Variants in GOLPH3 observed in about 807,000 individuals in gnomAD.
GOLPH3 encodes the protein golgi phosphoprotein 3, also known as coat protein GPP34.
Under a neutral mutation model 28.5 loss-of-function variants are expected in GOLPH3, and 14 were observed. That is an observed-to-expected ratio of 0.49 (90% CI 0.32 to 0.77). The LOEUF (loss-of-function observed/expected upper bound fraction) is 0.77, where lower values mean the gene tolerates loss of function less well. GOLPH3 is among the 30% of genes least tolerant of loss of function. GOLPH3 has a pLI of 0.03. For missense variants in GOLPH3, 350 were observed against 393.7 expected, an observed-to-expected ratio of 0.89 and a Z score of 0.94; for synonymous variants, 158 against 159.2, an observed-to-expected ratio of 0.99 and a Z score of 0.06.
intron 1 of GOLPH3, among the ~76,000 whole-genome samples, chr5:32,168,245 A>G (rs878934467): frequency 6.6e-6 from 1 of 152,222 alleles, no homozygotes; most frequent in Admixed American, 6.5e-5. Context: ...GGACATCACC[A>G]CACGTATAGA....
intron 1 of GOLPH3, among the ~76,000 whole-genome samples, chr5:32,154,280 T>C (rs1395711853): frequency 1.3e-5 from 2 of 152,220 alleles, no homozygotes; most frequent in African/African-American, 4.8e-5. Context: ...TTTAAGTGCA[T>C]AAAATGCACA....
intron 1 of GOLPH3, among the ~76,000 whole-genome samples, chr5:32,148,701 G>A (rs1231208110): frequency 6.6e-6 from 1 of 151,840 alleles, no homozygotes; most frequent in Admixed American, 6.6e-5. Context: ...GGAGGCTGAG[G>A]CAGGAGAATA....
At chr5:32,127,894 G>A (rs1745716922) in intron 3 of GOLPH3, among the ~76,000 whole-genome samples, 1 of 152,108 alleles carries the variant, frequency 6.6e-6, no homozygotes, top group South Asian at 2.1e-4. Context: ...TGCAGCCTAT[G>A]TGAGCCTGAC....
chr5:32,124,856 A>C lies in GOLPH3; in HGVS notation c.*1356T>G, dbSNP rs994537759. The stretch of plus-strand genomic sequence containing the variant: ...AATGAATGTTAACAACAACAAAAAA[A>C]ATCTCTAAACACCTGAAAGCCCCAC... On this transcript the variant is annotated 3_prime_UTR_variant, in exon 4 of 4. Transcript: ENST00000265070. The C allele has an allele frequency of 6.6e-6, 1 of 152,658 alleles. No individual in the cohort carries two copies. The highest frequency in any genetic ancestry group is 2.4e-5 in the African/African-American group (1 of 41,462). The allele number at this position is 152,658 out of a possible 1,614,324, so 9.5% of individuals were successfully genotyped here.
At chr5:32,173,275 C>T (rs1357138962) in intron 1 of GOLPH3, among the ~76,000 whole-genome samples, 1 of 152,024 alleles carries the variant, frequency 6.6e-6, no homozygotes, top group Non-Finnish European at 1.5e-5. Flanking sequence ...AGTAAAAGAG[C>T]TTTTCCCTCT....
intron 1 of GOLPH3, 79 bp from the exon 2 acceptor site, chr5:32,143,959 G>A (rs1030328717): frequency 2.9e-5 from 28 of 957,942 alleles, no homozygotes; most frequent in Non-Finnish European, 4.0e-5. Context: ...AATATTATCA[G>A]CCAAAGTCAT....
chr5:32,170,690 T>C lies in GOLPH3; in HGVS notation c.225+3120A>G, dbSNP rs150646503. 3.1e-4 allele frequency among the ~76,000 whole-genome samples: 47 copies of C among 152,150 alleles called. No individual in the cohort carries two copies. In the East Asian group the frequency reaches 7.9e-3, roughly 26 times the overall value. On this transcript the variant is annotated intron_variant, in intron 1 of 3. Coordinates refer to ENST00000265070, the MANE Select transcript of GOLPH3 (RefSeq NM_022130.4). ...AGTTGGCTTGATGGCATGCACCTTGTATTCCCAGCTACTCAGGGCGGATCA... is the reference window on the plus strand; with the variant it reads ...AGTTGGCTTGATGGCATGCACCTTGCATTCCCAGCTACTCAGGGCGGATCA...
chr5:32,127,515 C>T (rs1215546700), intron 3 of GOLPH3, among the ~76,000 whole-genome samples: 1 of 152,168 alleles, frequency 6.6e-6, no homozygotes, highest in East Asian at 1.9e-4. Context: ...TTACAGGAGC[C>T]ATTACCCACA....
chr5:32,144,287 A>G (rs1746144201), intron 1 of GOLPH3, among the ~76,000 whole-genome samples: 1 of 152,246 alleles, frequency 6.6e-6, no homozygotes, highest in Non-Finnish European at 1.5e-5. Context: ...TTCACAGAGA[A>G]TTAGAATACC....
intron 1 of GOLPH3, among the ~76,000 whole-genome samples, chr5:32,162,353 G>A (rs1249088247): frequency 6.7e-6 from 1 of 149,524 alleles, no homozygotes; most frequent in Non-Finnish European, 1.5e-5. Context: ...TTAGCCAGGC[G>A]TGGTGGCAGG....
At chr5:32,141,773 CG>C (rs1746067034) in intron 2 of GOLPH3, among the ~76,000 whole-genome samples, 1 of 152,124 alleles carries the variant, frequency 6.6e-6, no homozygotes, top group Non-Finnish European at 1.5e-5. Context: ...GACTGGTTTT[CG>C]TATTTTTTTG....
intron 1 of GOLPH3, among the ~76,000 whole-genome samples, chr5:32,161,722 G>A (rs1457046542): frequency 1.3e-5 from 2 of 151,324 alleles, no homozygotes; most frequent in Non-Finnish European, 2.9e-5. Flanking sequence ...AAGACTCTGG[G>A]CTTGACCTAA....
At chr5:32,142,676 G>A in intron 2 of GOLPH3, among the ~76,000 whole-genome samples, 1 of 147,414 alleles carries the variant, frequency 6.8e-6, no homozygotes, top group Admixed American at 6.6e-5. Context: ...AGCCCGGCCA[G>A]CCGCCCCGTC....
At chr5:32,131,742 T>A (rs1451175004) in intron 3 of GOLPH3, among the ~76,000 whole-genome samples, 2 of 152,250 alleles carry the variant, frequency 1.3e-5, no homozygotes, top group Non-Finnish European at 2.9e-5. Context: ...AGATTATTCA[T>A]GTCCACTGCC....
rs148262524 is a variant in GOLPH3 at position 32,135,651 on chromosome 5, A to C, written c.393T>G (p.Val131=). 5.0e-6 allele frequency: 8 copies of C among 1,613,772 alleles called. No individual in the cohort carries two copies. The African/African-American group carries it at 1.1e-4, about 22-fold the overall frequency. ...CATGCTTCAGAGCTTCATCAAGAAG[A>C]ACATCCCCTGTTGGAGCATCTGACT... ...ICKSDAPTGD[V]LLDEALKHVK... Residue 131 remains valine (V), a synonymous_variant, in exon 3 of 4, where the codon GTT becomes GTG. Transcript: ENST00000265070.
At chr5:32,151,437 G>A (rs922054568) in intron 1 of GOLPH3, among the ~76,000 whole-genome samples, 2 of 152,104 alleles carry the variant, frequency 1.3e-5, no homozygotes, top group African/African-American at 4.8e-5. Context: ...TTGAGCCTGG[G>A]AGGTTGAGGC....
chr5:32,158,029 C>T lies in GOLPH3; in HGVS notation c.226-14149G>A, dbSNP rs1216822749. On this transcript the variant is annotated intron_variant, in intron 1 of 3. Transcript: ENST00000265070. ...AATAAATAAATAAATAAAATACACA[C>T]ACACACACACACACACACACACACA... 3.5e-4 allele frequency among the ~76,000 whole-genome samples: 42 copies of T among 119,980 alleles called. 3 individuals carry two copies. The highest frequency in any genetic ancestry group is 9.4e-4 in the African/African-American group (24 of 25,656). 78.7% of individuals were successfully genotyped at this position (119,980 alleles called of 152,430 possible).
At chr5:32,164,244 T>A (rs938657062) in intron 1 of GOLPH3, among the ~76,000 whole-genome samples, 2 of 152,166 alleles carry the variant, frequency 1.3e-5, no homozygotes, top group Non-Finnish European at 2.9e-5. Flanking sequence ...TATTTCAATG[T>A]TTCTCACCCT....
intron 1 of GOLPH3, among the ~76,000 whole-genome samples, chr5:32,172,460 G>A (rs1279944253): frequency 6.6e-6 from 1 of 151,818 alleles, no homozygotes; most frequent in African/African-American, 2.4e-5. Flanking sequence ...ACTTTGGGAG[G>A]CCGAGGCAGG....
Sources: allele counts gnomAD v4.1 joint callset (sites outside exome capture counted in the v4.1 genomes callset), GRCh38; gene constraint gnomAD v4.1.1; transcripts MANE v1.5; gene names NCBI Gene and HGNC (gene_info 2026-07-23, HGNC 2026-07-21).